The following RBM39 variants were observed in gnomAD, a reference collection of about 807,000 sequenced individuals.
RBM39 encodes the protein RNA binding motif protein 39.
A neutral mutation model predicts 79.6 loss-of-function variants in RBM39; 12 were observed. The ratio of observed to expected loss-of-function variants is 0.15; its 90% CI spans 0.10 to 0.24. The LOEUF (loss-of-function observed/expected upper bound fraction) is 0.24, where lower values mean the gene tolerates loss of function less well. Ranked by LOEUF, RBM39 falls within the 10% of genes least tolerant of loss-of-function variation. The pLI is 1.00. For missense variants in RBM39, 243 were observed against 653.4 expected (o/e 0.37, Z 6.85); for synonymous variants, 185 against 208.4 (o/e 0.89, Z 0.97).
intron 3 of RBM39, 141 bp downstream of exon 3, chr20:35,738,827 G>A (rs2040246349): frequency 2.7e-6 from 2 of 737,830 alleles, no homozygotes; most frequent in East Asian, 2.8e-5. Flanking sequence ...TGTCTCAAAA[G>A]GCAAAGAACC....
intron 12 of RBM39, chr20:35,710,163 C>A (rs1227782338): frequency 2.0e-5 from 3 of 152,088 alleles, no homozygotes; most frequent in Non-Finnish European, 2.9e-5. Context: ...GATTCAGTAA[C>A]CTGATTTTCA....
intron 3 of RBM39, among the ~76,000 whole-genome samples, chr20:35,735,953 A>G (rs2039859833): frequency 6.6e-6 from 1 of 152,194 alleles, no homozygotes; most frequent in African/African-American, 2.4e-5. Context: ...TGTAGCCTTA[A>G]TCAGCTTATA....
intron 3 of RBM39, among the ~76,000 whole-genome samples, chr20:35,737,762 T>C (rs552937367): frequency 1.5e-5 from 2 of 134,072 alleles, no homozygotes; most frequent in East Asian, 2.2e-4. Flanking sequence ...GGCAGGAGAA[T>C]AGCATGAACC....
At chr20:35,722,435 A>T (rs1342154479) in intron 8 of RBM39, among the ~76,000 whole-genome samples, 12 of 137,344 alleles carry the variant, frequency 8.7e-5, no homozygotes, top group African/African-American at 3.3e-4. Context: ...AAAAAAAATA[A>T]AAATAAAAAG....
chr20:35,718,813 CAAAAAAAAAAA>C (rs555136304), intron 9 of RBM39, among the ~76,000 whole-genome samples: 2 of 37,880 alleles, frequency 5.3e-5, no homozygotes, highest in Admixed American at 2.9e-4. Flanking sequence ...TACTCCATCT[CAAAAAAAAAAA>C]AAAAAAAAAA....
intron 15 of RBM39, 149 bp from the exon 16 acceptor site, chr20:35,704,895 G>C: frequency 1.5e-6 from 1 of 647,080 alleles, no homozygotes; most frequent in South Asian, 2.0e-5. Context: ...AGGTATACTA[G>C]AATTTTATTA....
chr20:35,718,335 G>A lies in RBM39; in HGVS notation c.826-1530C>T, dbSNP rs191085440. On this transcript the variant is annotated intron_variant, in intron 9 of 16. Transcript: ENST00000253363. ...TAGAAAAGGAGTAGTCGTGGATGAA[G>A]TGGGACTATGATAGGGATAAGATAT... Among the ~76,000 whole-genome samples, 26 of 151,470 alleles carry A rather than the reference G, an allele frequency of 1.7e-4. No homozygotes were observed. The East Asian group carries it at 4.5e-3, about 26-fold the overall frequency.
intron 15 of RBM39, 186 bp downstream of exon 15, chr20:35,705,039 C>A (rs2425071): frequency 0.16 from 92,290 of 594,480 alleles, 8,036 homozygotes; most frequent in African/African-American, 0.3. Flanking sequence ...ATACCCTGAT[C>A]AAATTGTTAC....
intron 10 of RBM39, among the ~76,000 whole-genome samples, chr20:35,715,968 G>A (rs190529476): frequency 1.1e-4 from 16 of 152,198 alleles, no homozygotes; most frequent in Non-Finnish European, 2.1e-4. Context: ...AGCTTCCTGA[G>A]GCCACCACAG....
intron 13 of RBM39, chr20:35,707,617 C>A (rs1227712496): frequency 6.3e-5 from 12 of 189,266 alleles, no homozygotes; most frequent in Non-Finnish European, 1.2e-4. Flanking sequence ...TATTTCTTCG[C>A]TTTCTGCCCA....
At chr20:35,719,956 T>C (rs148874786) in intron 9 of RBM39, 4,672 of 265,444 alleles carry the variant, frequency 0.018, 224 homozygotes, top group African/African-American at 0.1. Context: ...CTAATTTTTC[T>C]ATTTTTAGTA....
At chr20:35,708,730 G>A (rs2036053200) in intron 13 of RBM39, 1 of 152,392 alleles carries the variant, frequency 6.6e-6, no homozygotes, top group Non-Finnish European at 1.5e-5. Flanking sequence ...AAATGTGCAT[G>A]TAATTTAAGT....
intron 3 of RBM39, among the ~76,000 whole-genome samples, chr20:35,738,059 G>T (rs1414798053): frequency 6.6e-6 from 1 of 151,922 alleles, no homozygotes; most frequent in Non-Finnish European, 1.5e-5. Context: ...CGGAGGCTGA[G>T]GCAGGGGAAT....
chr20:35,736,014 G>A (rs937742832), intron 3 of RBM39, among the ~76,000 whole-genome samples: 4 of 152,262 alleles, frequency 2.6e-5, no homozygotes, highest in Middle Eastern at 3.4e-3. Flanking sequence ...GGCAAAAAGC[G>A]ACATGAGACA....
At chr20:35,715,657 CT>C (rs1223890346) in intron 10 of RBM39, among the ~76,000 whole-genome samples, 1 of 152,192 alleles carries the variant, frequency 6.6e-6, no homozygotes, top group African/African-American at 2.4e-5. Flanking sequence ...TGGCTGACCC[CT>C]ATATGTATAT....
chr20:35,742,015 C>A lies in RBM39; in HGVS notation c.-88G>T. 1 of 253,836 alleles carries A rather than the reference C, an allele frequency of 3.9e-6. No homozygotes were observed. The highest frequency in any genetic ancestry group is 7.9e-6 in the Non-Finnish European group (1 of 127,050). The allele number at this position is 253,836 out of a possible 1,614,324, so 15.7% of individuals were successfully genotyped here. A position where few individuals can be genotyped will look rare whatever the true frequency, so the allele number is the denominator to read the frequency against. The stretch of plus-strand genomic sequence containing the variant: ...CTGCTGCTGCTGCTGCTGCTGCCGC[C>A]GCCGCCGCTTCTGTTGCTACTGTTA... On this transcript the variant is annotated 5_prime_UTR_variant, in exon 1 of 17. Coordinates refer to ENST00000253363, the MANE Select transcript of RBM39 (RefSeq NM_184234.3).
intron 4 of RBM39, among the ~76,000 whole-genome samples, chr20:35,730,803 T>C (rs2039279416): frequency 6.6e-6 from 1 of 152,108 alleles, no homozygotes; most frequent in Admixed American, 6.5e-5. Context: ...CCTAATGTTG[T>C]ACAGCATTCG....
At chr20:35,730,832 G>C (rs1196161830) in intron 4 of RBM39, among the ~76,000 whole-genome samples, 2 of 152,028 alleles carry the variant, frequency 1.3e-5, no homozygotes, top group African/African-American at 4.8e-5. Context: ...ATAGCATTGT[G>C]GTCCCATTTT....
At chr20:35,705,482 T>C (rs1286277594) in intron 14 of RBM39, 152 bp from the exon 15 acceptor site, 4 of 547,968 alleles carry the variant, frequency 7.3e-6, no homozygotes, top group African/African-American at 4.0e-5. Flanking sequence ...CAAAGAACAC[T>C]GCAGTCTGGT....
Sources: allele counts gnomAD v4.1 joint callset (sites outside exome capture counted in the v4.1 genomes callset), GRCh38; gene constraint gnomAD v4.1.1; transcripts MANE v1.5; gene names NCBI Gene and HGNC (gene_info 2026-07-23, HGNC 2026-07-21).